Variants in NSD2 observed in about 807,000 individuals in gnomAD.
The protein encoded by NSD2 is histone-lysine N-methyltransferase NSD2.
NSD2 carries 12 observed loss-of-function variants against 139.0 expected under a neutral mutation model. The ratio of observed to expected loss-of-function variants is 0.09; its 90% CI spans 0.06 to 0.14. NSD2 has a LOEUF of 0.14. NSD2 is among the 10% of genes least tolerant of loss of function. The pLI is 1.00. For missense variants in NSD2, 1,155 were observed against 1,745.0 expected, an observed-to-expected ratio of 0.66 and a Z score of 6.02; for synonymous variants, 669 against 648.7, an observed-to-expected ratio of 1.03 and a Z score of -0.48.
In NSD2 at chr4:1,925,691, A is replaced by G. The variant is rs181436965; in HGVS notation, c.1411-4935A>G. ...TGGGATTACAGGCCTGAGCCACTGC[A>G]CCCAGCCTAGAGGTCACTTTCTAGC... On this transcript the variant is annotated intron_variant, in intron 5 of 21. Coordinates refer to ENST00000508803, the MANE Select transcript of NSD2 (RefSeq NM_001042424.3). 2.7e-4 allele frequency among the ~76,000 whole-genome samples: 41 copies of G among 151,532 alleles called. 1 individual carries two copies. The highest frequency in any genetic ancestry group is 3.4e-3 in the Middle Eastern group (1 of 292).
At chr4:1,872,629 A>AGAGAGCGAGC (rs1553856464) in intron 1 of NSD2, among the ~76,000 whole-genome samples, 1 of 142,600 alleles carries the variant, frequency 7.0e-6, no homozygotes, top group African/African-American at 2.6e-5. Context: ...AGAGAGAGAG[A>AGAGAGCGAGC]GAGAGAGCGC....
intron 5 of NSD2, among the ~76,000 whole-genome samples, chr4:1,920,112 A>G (rs768275016): frequency 3.2e-4 from 48 of 152,132 alleles, no homozygotes; most frequent in Non-Finnish European, 1.2e-4. Flanking sequence ...TTTTGTCCCT[A>G]TATGGGATCT....
intron 18 of NSD2, among the ~76,000 whole-genome samples, chr4:1,963,939 T>C (rs1725617580): frequency 6.6e-6 from 1 of 152,190 alleles, no homozygotes; most frequent in South Asian, 2.1e-4. Context: ...TTAAGACTGC[T>C]GTGAACTATG....
chr4:1,947,606 C>A, intron 9 of NSD2: 1 of 1,054,304 alleles, frequency 9.5e-7, no homozygotes, highest in Non-Finnish European at 1.1e-6. Flanking sequence ...GTGCTGTTAA[C>A]TTGGAAGACC....
rs527801491 is a variant in NSD2 at position 1,958,443 on chromosome 4, C to T, written c.2985+407C>T. 2.0e-5 allele frequency among the ~76,000 whole-genome samples: 3 copies of T among 152,190 alleles called. No individual in the cohort carries two copies. The highest frequency in any genetic ancestry group is 1.9e-4 in the East Asian group (1 of 5,192). The stretch of plus-strand genomic sequence containing the variant: ...TACCTCAGAGAGCAAGATGGCGGGG[C>T]GGCAGGGGAGCTTGCCAGTTCTGTG... On this transcript the variant is annotated intron_variant, in intron 16 of 21. Coordinates refer to ENST00000508803, the MANE Select transcript of NSD2 (RefSeq NM_001042424.3). This position sits in a 1 kb window ranked among gnomAD's most constrained non-coding sequence, Gnocchi z 4.6.
At position 1,935,684 on chromosome 4, in the gene NSD2, A is replaced by AC. The variant is rs576482395; in HGVS notation, c.1674+426dup. ...AGACCAGCCTGGCCAAGATGGTAAT[A>AC]CCCCGTCTCTACTAAAAATACAAAA... On this transcript the variant is annotated intron_variant, in intron 7 of 21. Coordinates refer to ENST00000508803, the MANE Select transcript of NSD2 (RefSeq NM_001042424.3). Among the ~76,000 whole-genome samples, 16 of 152,176 alleles carry AC rather than the reference A, an allele frequency of 1.1e-4. No homozygotes were observed. The South Asian group carries it at 3.3e-3, about 32-fold the overall frequency.
chr4:1,978,176 A>G (rs1057045703), intron 21 of NSD2, among the ~76,000 whole-genome samples: 1 of 152,230 alleles, frequency 6.6e-6, no homozygotes, highest in Non-Finnish European at 1.5e-5. Flanking sequence ...TGTACGGTAA[A>G]GATGACACAC....
chr4:1,925,114 A>G (rs916703549), intron 5 of NSD2, among the ~76,000 whole-genome samples: 1 of 152,168 alleles, frequency 6.6e-6, no homozygotes, highest in Non-Finnish European at 1.5e-5. Context: ...GTTCTGTAAT[A>G]AGCAATTCTA....
chr4:1,962,547 T>C (rs1415303331), intron 18 of NSD2, among the ~76,000 whole-genome samples: 2 of 152,246 alleles, frequency 1.3e-5, no homozygotes, highest in African/African-American at 4.8e-5. Context: ...TGTATACATA[T>C]ATCCATAAAT....
intron 11 of NSD2, chr4:1,952,823 C>A: frequency 8.3e-7 from 1 of 1,207,632 alleles, no homozygotes; most frequent in Non-Finnish European, 1.0e-6. Flanking sequence ...CCCTTCCTGC[C>A]TACTCACCGG....
In NSD2 at chr4:1,871,489, C is replaced by A; in HGVS notation, c.-83C>A. 1 of 150,564 alleles carries A rather than the reference C, an allele frequency of 6.6e-6. No homozygotes were observed. The highest frequency in any genetic ancestry group is 1.8e-4 in the South Asian group (1 of 5,592). The allele number at this position is 150,564 out of a possible 1,614,324, so 9.3% of individuals were successfully genotyped here. A position where few individuals can be genotyped will look rare whatever the true frequency, so the allele number is the denominator to read the frequency against. ...CCCTACCGCCGCACGGCCCCGGCCC[C>A]CTCCCAGCCTGCCGCTCCGGAGAGC... On this transcript the variant is annotated 5_prime_UTR_variant, in exon 1 of 22. Coordinates refer to ENST00000508803, the MANE Select transcript of NSD2 (RefSeq NM_001042424.3).
intron 5 of NSD2, among the ~76,000 whole-genome samples, chr4:1,930,190 C>G (rs1293277567): frequency 6.6e-6 from 1 of 152,160 alleles, no homozygotes; most frequent in Non-Finnish European, 1.5e-5. Flanking sequence ...TGCCCAGGGC[C>G]TGTACCTGAA....
rs1337504389 is a variant in NSD2 at position 1,974,412 on chromosome 4, C to T, written c.3373-451C>T. Among the ~76,000 whole-genome samples the T allele has an allele frequency of 6.6e-6, 1 of 152,144 alleles. No individual in the cohort carries two copies. Among genetic ancestry groups the T allele is most frequent in the Admixed American group, 6.6e-5 (1 of 15,260 alleles). On this transcript the variant is annotated intron_variant, in intron 18 of 21. Transcript: ENST00000508803. This position sits in a 1 kb window ranked among gnomAD's most constrained non-coding sequence, Gnocchi z 4.0. The stretch of plus-strand genomic sequence containing the variant: ...TATTTTTAGTAGAGATGGGGGTTCA[C>T]CATGTTGGCTAGTCTGGTCTCAAAT...
At chr4:1,910,859 A>G (rs1718568395) in intron 3 of NSD2, among the ~76,000 whole-genome samples, 1 of 152,106 alleles carries the variant, frequency 6.6e-6, no homozygotes, top group African/African-American at 2.4e-5. Context: ...CAGAGACTGA[A>G]CTGGGAAACT....
rs1198012129 is a variant in NSD2 at position 1,918,319 on chromosome 4, C to A, written c.1106C>A (p.Ser369Tyr). 1 of 1,614,062 alleles carries A rather than the reference C, an allele frequency of 6.2e-7. No individual in the cohort carries two copies. Among genetic ancestry groups the A allele is most frequent in the Non-Finnish European group, 8.5e-7 (1 of 1,180,026 alleles). Residue 369 changes from serine to tyrosine, a missense_variant, in exon 5 of 22, where the codon TCT becomes TAT. Ser to Tyr is a moderately radical substitution (Grantham distance 144). Transcript: ENST00000508803. ...AAGGAGGCTGGCATTGCTGCAGAGT[C>A]TTTGGGAGAAATGGCAGAATCCTCA... ...VAKEAGIAAE[S>Y]LGEMAESSGV... is the part of the protein sequence containing the mutation.
intron 5 of NSD2, among the ~76,000 whole-genome samples, chr4:1,926,953 A>T (rs1720986905): frequency 6.6e-6 from 1 of 152,182 alleles, no homozygotes; most frequent in Admixed American, 6.5e-5. Flanking sequence ...TTACTGTCTC[A>T]CAGTTTCTGT....
Position 1,904,198 on chromosome 4 carries a change from TCTG to T in NSD2, c.598-17_598-15del, listed in dbSNP as rs1441331638. 6.2e-7 allele frequency: 1 copy of T among 1,610,372 alleles called. No individual in the cohort carries two copies. The highest frequency in any genetic ancestry group is 2.2e-5 in the East Asian group (1 of 44,804). On this transcript the variant is annotated splice_polypyrimidine_tract_variant and intron_variant, in intron 2 of 21. Coordinates refer to ENST00000508803, the MANE Select transcript of NSD2 (RefSeq NM_001042424.3). The stretch of plus-strand genomic sequence containing the variant: ...TGATTGGATGTGTTAGTGTTTGTCT[TCTG>T]TTGTTCATTTTCAGATTCCAGCTAA...
At chr4:1,975,750 G>C (rs1005358753) in intron 20 of NSD2, 1 of 255,850 alleles carries the variant, frequency 3.9e-6, no homozygotes, top group East Asian at 8.7e-5. Context: ...GCTGCTCCTT[G>C]GCTTGTAGCA....
rs1725049443 is a variant in NSD2 at position 1,958,466 on chromosome 4, G to A, written c.2985+430G>A. On this transcript the variant is annotated intron_variant, in intron 16 of 21. Coordinates refer to ENST00000508803, the MANE Select transcript of NSD2 (RefSeq NM_001042424.3). The surrounding 1 kb of genome is among the most constrained non-coding windows in gnomAD (Gnocchi z 4.6). ...GGCGGCAGGGGAGCTTGCCAGTTCT[G>A]TGTTTATTCCAGTGAGCTCGAGAGC... Among the ~76,000 whole-genome samples, 1 of 152,234 alleles carries A rather than the reference G, an allele frequency of 6.6e-6. No individual in the cohort carries two copies. Among genetic ancestry groups the A allele is most frequent in the Non-Finnish European group, 1.5e-5 (1 of 68,034 alleles).
Sources: allele counts gnomAD v4.1 joint callset (sites outside exome capture counted in the v4.1 genomes callset), GRCh38; gene constraint gnomAD v4.1.1; non-coding constraint Gnocchi (gnomAD v3.1); transcripts MANE v1.5; gene names NCBI Gene and HGNC (gene_info 2026-07-23, HGNC 2026-07-21).